Variants in IQUB observed in about 807,000 individuals in gnomAD.
IQUB encodes IQ motif and ubiquitin domain containing.
In IQUB, 86 loss-of-function variants were observed where a neutral mutation model predicts 86.4. The ratio of observed to expected loss-of-function variants is 1.00; its 90% CI spans 0.84 to 1.19. The LOEUF is 1.19. IQUB is among the 50% of genes most tolerant of loss of function. The pLI is 0.00. For missense variants in IQUB, 946 were observed against 916.9 expected, an observed-to-expected ratio of 1.03 and a Z score of -0.41; for synonymous variants, 289 against 304.5, an observed-to-expected ratio of 0.95 and a Z score of 0.53.
At chr7:123,504,269 G>A (rs1796078964) in intron 3 of IQUB, among the ~76,000 whole-genome samples, 1 of 151,920 alleles carries the variant, frequency 6.6e-6, no homozygotes, top group South Asian at 2.1e-4. Flanking sequence ...TCCAACATGG[G>A]AAAACCCAGT....
At position 123,512,170 on chromosome 7, in the gene IQUB, T is replaced by C; in HGVS notation, c.171A>G (p.Ala57=). The C allele has an allele frequency of 6.2e-7, 1 of 1,614,092 alleles. No individual in the cohort carries two copies. Among genetic ancestry groups the C allele is most frequent in the Non-Finnish European group, 8.5e-7 (1 of 1,179,952 alleles). Residue 57 remains alanine (A), a synonymous_variant, in exon 2 of 13, where the codon GCA becomes GCG. Transcript: ENST00000324698. ...SGIEQFSESH[A]IHVEEQSDQS... Reference sequence around the variant, plus strand: ...GGTCACTCTGCTCCTCAACATGTATTGCATGGCTCTCACTGAATTGTTCTA... The same window carrying C: ...GGTCACTCTGCTCCTCAACATGTATCGCATGGCTCTCACTGAATTGTTCTA...
intron 3 of IQUB, among the ~76,000 whole-genome samples, chr7:123,504,797 A>C (rs1440168827): frequency 6.6e-6 from 1 of 152,154 alleles, no homozygotes; most frequent in Admixed American, 6.5e-5. Flanking sequence ...GCTCCTGTCA[A>C]ATCTCATGTC....
At chr7:123,494,389 C>A (rs767306213) in intron 7 of IQUB, among the ~76,000 whole-genome samples, 6 of 152,078 alleles carry the variant, frequency 3.9e-5, no homozygotes, top group Non-Finnish European at 8.8e-5. Context: ...CACAAGAGGG[C>A]AGCAGCTCCA....
chr7:123,519,202 T>C (rs781228258), intron 1 of IQUB, among the ~76,000 whole-genome samples: 41 of 152,126 alleles, frequency 2.7e-4, no homozygotes, highest in Non-Finnish European at 5.4e-4. Flanking sequence ...TAGTACACTG[T>C]TAGCGGGAAA....
At chr7:123,503,991 T>C (rs1796063280) in intron 3 of IQUB, among the ~76,000 whole-genome samples, 1 of 152,072 alleles carries the variant, frequency 6.6e-6, no homozygotes, top group Non-Finnish European at 1.5e-5. Flanking sequence ...CAGAATAATA[T>C]GCTAAACATT....
At position 123,464,912 on chromosome 7, in the gene IQUB, A is replaced by G; in HGVS notation, c.1679T>C (p.Leu560Pro). Residue 560 changes from leucine (L) to proline (P), a missense_variant, in exon 10 of 13, where the codon CTC (leucine) becomes CCC (proline). Coordinates refer to ENST00000324698, the MANE Select transcript of IQUB (RefSeq NM_178827.5). ...RGVKHHNLEGLRKRIATLFFH... is the reference protein window; with the variant it reads ...RGVKHHNLEGPRKRIATLFFH... ...AAAGAGTGTCGCAATTCTTTTTCTG[A>G]GTCCTTCAAGGTTATGATGTTTGAC... is the stretch of plus-strand genomic sequence containing the variant. 1.2e-6 allele frequency: 2 copies of G among 1,606,672 alleles called. No homozygotes were observed. Among genetic ancestry groups the G allele is most frequent in the East Asian group, 2.2e-5 (1 of 44,592 alleles).
intron 10 of IQUB, 94 bp from the exon 11 acceptor site, chr7:123,461,699 C>A: frequency 9.2e-7 from 1 of 1,087,164 alleles, no homozygotes; most frequent in Non-Finnish European, 1.2e-6. Context: ...GGCTAACTTA[C>A]TTATCTTAGA....
At chr7:123,485,519 T>G (rs1176108784) in intron 7 of IQUB, among the ~76,000 whole-genome samples, 1 of 152,156 alleles carries the variant, frequency 6.6e-6, no homozygotes, top group Non-Finnish European at 1.5e-5. Context: ...GCAAAAGATA[T>G]TAAAGGAATT....
chr7:123,467,669 T>A (rs1794325389), intron 9 of IQUB, among the ~76,000 whole-genome samples: 1 of 152,220 alleles, frequency 6.6e-6, no homozygotes, highest in Non-Finnish European at 1.5e-5. Flanking sequence ...ACTTTATAGT[T>A]GGCACAGCCT....
intron 10 of IQUB, among the ~76,000 whole-genome samples, chr7:123,461,882 T>G (rs1350484589): frequency 6.6e-6 from 1 of 151,950 alleles, no homozygotes; most frequent in South Asian, 2.1e-4. Context: ...ATAAAATTAA[T>G]TGACTGAAAA....
At chr7:123,503,468 G>T in intron 3 of IQUB, 105 bp from the exon 4 acceptor site, 1 of 660,844 alleles carries the variant, frequency 1.5e-6, no homozygotes, top group Non-Finnish European at 2.6e-6. Flanking sequence ...TATATATTGT[G>T]TACAGCATGC....
intron 12 of IQUB, among the ~76,000 whole-genome samples, chr7:123,453,834 T>C (rs1260996177): frequency 6.6e-6 from 1 of 152,192 alleles, no homozygotes; most frequent in Non-Finnish European, 1.5e-5. Flanking sequence ...AATTTTCTTG[T>C]TTCTCTGTAA....
chr7:123,468,455 T>C (rs1794358120), intron 9 of IQUB, among the ~76,000 whole-genome samples: 2 of 152,176 alleles, frequency 1.3e-5, no homozygotes, highest in South Asian at 4.1e-4. Context: ...CTGACAACTC[T>C]CAAGCGAGGC....
intron 11 of IQUB, among the ~76,000 whole-genome samples, chr7:123,459,472 G>A (rs1793884029): frequency 6.6e-6 from 1 of 151,936 alleles, no homozygotes; most frequent in African/African-American, 2.4e-5. Flanking sequence ...CCCAAGTAAG[G>A]AAGACTGTTT....
intron 9 of IQUB, among the ~76,000 whole-genome samples, chr7:123,467,547 A>T (rs999649607): frequency 3.9e-5 from 6 of 152,230 alleles, no homozygotes; most frequent in Non-Finnish European, 5.9e-5. Context: ...AGTCTGGGGT[A>T]TGTGAAAACA....
chr7:123,508,658 A>G (rs927647425), intron 3 of IQUB, among the ~76,000 whole-genome samples: 1 of 152,226 alleles, frequency 6.6e-6, no homozygotes, highest in Non-Finnish European at 1.5e-5. Context: ...TGGTTACTAC[A>G]ATCTCAAAGT....
chr7:123,470,571 C>T (rs931152752), intron 8 of IQUB, among the ~76,000 whole-genome samples: 7 of 152,266 alleles, frequency 4.6e-5, no homozygotes, highest in Middle Eastern at 3.4e-3. Context: ...TGACAGTAGG[C>T]TGGGTGCAGT....
intron 12 of IQUB, 98 bp downstream of exon 12, chr7:123,457,283 G>C: frequency 6.8e-7 from 1 of 1,467,732 alleles, no homozygotes; most frequent in Non-Finnish European, 9.0e-7. Context: ...TAATCTGATG[G>C]AAGTATTTAA....
intron 7 of IQUB, among the ~76,000 whole-genome samples, chr7:123,493,170 T>G (rs1795548737): frequency 6.6e-6 from 1 of 152,062 alleles, no homozygotes. Flanking sequence ...CAGGCAACAA[T>G]CCTCGTTGTC....
Sources: gnomAD v4.1 joint callset for allele counts (sites outside exome capture counted in the v4.1 genomes callset) on GRCh38, gnomAD v4.1.1 for gene constraint, MANE v1.5 for transcripts, NCBI Gene and HGNC (gene_info 2026-07-23, HGNC 2026-07-21) for gene names.